Variants in SLC5A5 observed in about 807,000 individuals in gnomAD.
SLC5A5 encodes the protein solute carrier family 5 member 5, also known as sodium/iodide cotransporter.
In SLC5A5, 56 loss-of-function variants were observed where a neutral mutation model predicts 68.6. The ratio of observed to expected loss-of-function variants is 0.82; its 90% CI spans 0.66 to 1.02. The LOEUF (loss-of-function observed/expected upper bound fraction) is 1.02, where lower values mean the gene tolerates loss of function less well. Ranked by LOEUF, SLC5A5 falls within the 50% of genes least tolerant of loss-of-function variation. The pLI, the probability that SLC5A5 is intolerant of heterozygous loss-of-function variation, is 0.00. For missense variants in SLC5A5, 807 were observed against 859.8 expected, an observed-to-expected ratio of 0.94 and a Z score of 0.77; for synonymous variants, 398 against 373.0, an observed-to-expected ratio of 1.07 and a Z score of -0.77.
In SLC5A5 at chr19:17,883,720, C is replaced by A. The variant is rs781303577; in HGVS notation, c.1282C>A (p.Leu428Met). The change falls in exon 11 of 15, where the codon CTG becomes ATG. Residue 428 changes from leucine (L) to methionine (M), a missense_variant. Transcript: ENST00000222248. ...TVMGVISGPL[L>M]GAFILGMFLP... ...CATGGGAGTCATCAGCGGCCCCCTG[C>A]TGGGAGCCTTCATCTTGGGAATGTT... 1 of 1,541,856 alleles carries A rather than the reference C, an allele frequency of 6.5e-7. No individual in the cohort carries two copies. The highest frequency in any genetic ancestry group is 1.7e-5 in the Admixed American group (1 of 57,234).
chr19:17,885,320 CTGTTT>C (rs1034584713), intron 12 of SLC5A5, among the ~76,000 whole-genome samples: 1 of 146,392 alleles, frequency 6.8e-6, no homozygotes, highest in African/African-American at 2.8e-5. Context: ...AGAACATTTT[CTGTTT>C]TGTTTATTTA....
intron 2 of SLC5A5, 25 bp downstream of exon 2, chr19:17,874,228 C>G (rs373052427): frequency 6.5e-7 from 1 of 1,541,370 alleles, no homozygotes; most frequent in Non-Finnish European, 9.0e-7. Flanking sequence ...CCCCGCCCTC[C>G]GCTCAGGGCC....
At chr19:17,887,975 A>G (rs2029988236) in intron 12 of SLC5A5, among the ~76,000 whole-genome samples, 1 of 152,110 alleles carries the variant, frequency 6.6e-6, no homozygotes, top group Non-Finnish European at 1.5e-5. Context: ...TTGGCGTCAT[A>G]TCTAAGAAAC....
At chr19:17,878,991 A>C (rs1216920800) in intron 7 of SLC5A5, among the ~76,000 whole-genome samples, 2 of 145,618 alleles carry the variant, frequency 1.4e-5, no homozygotes, top group Non-Finnish European at 3.0e-5. Flanking sequence ...AAAAAAAACA[A>C]AAAAAAAAAA....
At chr19:17,874,010 G>A (rs2094300508) in intron 1 of SLC5A5, 128 bp from the exon 2 acceptor site, 3 of 723,506 alleles carry the variant, frequency 4.1e-6, no homozygotes, top group Non-Finnish European at 7.6e-6. Context: ...GGGCCCCCAC[G>A]TGCAAGAATC....
chr19:17,879,921 C>T (rs1422751518), intron 7 of SLC5A5, among the ~76,000 whole-genome samples: 1 of 150,628 alleles, frequency 6.6e-6, no homozygotes, highest in Non-Finnish European at 1.5e-5. Context: ...TTTTTTTGAG[C>T]CAGAGTCTCA....
At chr19:17,872,778 G>A in intron 1 of SLC5A5, 102 bp downstream of exon 1, 10 of 777,050 alleles carry the variant, frequency 1.3e-5, no homozygotes, top group Middle Eastern at 2.8e-4. Context: ...AGGAGGACGC[G>A]GATGGCACCT....
chr19:17,884,257 A>AT (rs1206634862), intron 12 of SLC5A5, among the ~76,000 whole-genome samples: 1 of 152,052 alleles, frequency 6.6e-6, no homozygotes, highest in Non-Finnish European at 1.5e-5. Context: ...GGGAGGAGAG[A>AT]TGGGTGGGAG....
At chr19:17,892,648 A>AAGAGAGAGAG (rs1568427310) in intron 14 of SLC5A5, among the ~76,000 whole-genome samples, 8 of 58,630 alleles carry the variant, frequency 1.4e-4, no homozygotes, top group Non-Finnish European at 1.6e-4. Context: ...AAAGAAAGAA[A>AAGAGAGAGAG]AGACAGAGAG....
Position 17,882,207 on chromosome 19 carries a change from A to T in SLC5A5, c.1230A>T (p.Gly410=), listed in dbSNP as rs1346111417. The change falls in exon 10 of 15, where the codon GGA becomes GGT. Residue 410 remains glycine, a synonymous_variant. Coordinates refer to ENST00000222248, the MANE Select transcript of SLC5A5 (RefSeq NM_000453.3). ...TVAALSSLLG[G]GVLQGSFTVM... is the part of the protein sequence containing the mutation. ...CAGCCCTGTCCTCACTGCTCGGAGG[A>T]GGTGTCCTTCAGGTGAGACCCCACC... is the stretch of plus-strand genomic sequence containing the variant. 6.2e-7 allele frequency: 1 copy of T among 1,613,720 alleles called. No individual in the cohort carries two copies. Among genetic ancestry groups the T allele is most frequent in the East Asian group, 2.2e-5 (1 of 44,850 alleles).
chr19:17,885,069 C>G (rs559639450), intron 12 of SLC5A5, among the ~76,000 whole-genome samples: 1 of 150,472 alleles, frequency 6.6e-6, no homozygotes, highest in Non-Finnish European at 1.5e-5. Context: ...TCCAGTGGCA[C>G]GATCATAGCT....
rs1387078947 is a variant in SLC5A5 at position 17,883,923 on chromosome 19, C to T, written c.1403C>T (p.Pro468Leu). 1.3e-6 allele frequency: 2 copies of T among 1,564,870 alleles called. No homozygotes were observed. The highest frequency in any genetic ancestry group is 3.4e-4 in the Middle Eastern group (2 of 5,810). ...WVALGATLYPPSEQTMRVLPS... is the reference protein window; with the variant it reads ...WVALGATLYPLSEQTMRVLPS... ...GCCTTGGGCGCCACGCTGTACCCAC[C>T]CAGCGAGCAGACCATGAGGGTCCTG... The change falls in exon 12 of 15, where the codon CCC becomes CTC. Residue 468 changes from proline to leucine, a missense_variant. Physicochemically the swap from Pro to Leu is moderately conservative, Grantham distance 98. Transcript: ENST00000222248.
intron 5 of SLC5A5, among the ~76,000 whole-genome samples, chr19:17,877,314 A>ATT (rs1309999354): frequency 4.1e-5 from 6 of 146,764 alleles, no homozygotes; most frequent in African/African-American, 1.5e-4. Context: ...AATTTAATTA[A>ATT]TTTTTTTTTT....
chr19:17,888,351 G>T lies in SLC5A5; in HGVS notation c.1547G>T (p.Arg516Leu), dbSNP rs145168559. 3 of 1,613,788 alleles carry T rather than the reference G, an allele frequency of 1.9e-6. No individual in the cohort carries two copies. In the East Asian group the frequency reaches 6.7e-5, roughly 36 times the overall value. Residue 516 changes from arginine to leucine, a missense_variant, in exon 13 of 15, where the codon CGA becomes CTA. Arg to Leu is a moderately radical substitution (Grantham distance 102). Coordinates refer to ENST00000222248, the MANE Select transcript of SLC5A5 (RefSeq NM_000453.3). ...RAPSSGMDAS[R>L]PALADSFYAI... ...TGCAGCTCAGGAATGGACGCCAGCC[G>T]ACCCGCCTTAGCTGACAGCTTCTAT...
chr19:17,877,340 C>T (rs1382798616), intron 5 of SLC5A5, among the ~76,000 whole-genome samples: 13 of 149,388 alleles, frequency 8.7e-5, no homozygotes, highest in Admixed American at 2.0e-4. Context: ...GATGGAGTCT[C>T]GCTCTGTCAC....
In SLC5A5 at chr19:17,872,477, G is replaced by T. The variant is rs541775288; in HGVS notation, c.158G>T (p.Arg53Leu). The stretch of plus-strand genomic sequence containing the variant: ...GAGGACTTCTTCACCGGGGGCCGGC[G>T]CCTGGCGGCCCTGCCCGTGGGCCTG... ...SAEDFFTGGR[R>L]LAALPVGLSL... The change falls in exon 1 of 15, where the codon CGC becomes CTC. Residue 53 changes from arginine (R) to leucine (L), a missense_variant. By Grantham distance (102) the Arg-to-Leu change is moderately radical (BLOSUM62 -2). Coordinates refer to ENST00000222248, the MANE Select transcript of SLC5A5 (RefSeq NM_000453.3). 6.2e-7 allele frequency: 1 copy of T among 1,611,394 alleles called. No individual in the cohort carries two copies. The highest frequency in any genetic ancestry group is 1.1e-5 in the South Asian group (1 of 90,888).
intron 12 of SLC5A5, among the ~76,000 whole-genome samples, 186 bp from the exon 13 acceptor site, chr19:17,888,145 G>A (rs2029995300): frequency 6.6e-6 from 1 of 152,088 alleles, no homozygotes; most frequent in African/African-American, 2.4e-5. Context: ...AGGACGTCTA[G>A]GGTGGGGATG....
At position 17,877,762 on chromosome 19, in the gene SLC5A5, T is replaced by G; in HGVS notation, c.738T>G (p.Thr246=). 1 of 1,614,198 alleles carries G rather than the reference T, an allele frequency of 6.2e-7. No individual in the cohort carries two copies. The highest frequency in any genetic ancestry group is 8.5e-7 in the Non-Finnish European group (1 of 1,180,032). ...CGAGGAGCCGCTATACATTCTGGAC[T>G]TTTGTGGTGGGTGGCACGTTGGTGT... The part of the protein sequence containing the change: ...PDPRSRYTFW[T]FVVGGTLVWL... Residue 246 remains threonine (T), a synonymous_variant, in exon 6 of 15, where the codon ACT becomes ACG. Coordinates refer to ENST00000222248, the MANE Select transcript of SLC5A5 (RefSeq NM_000453.3).
intron 13 of SLC5A5, 146 bp from the exon 14 acceptor site, chr19:17,890,740 A>G (rs188032589): frequency 1.6e-4 from 108 of 693,722 alleles, no homozygotes; most frequent in Non-Finnish European, 2.7e-4. Flanking sequence ...TGAGGCTCAG[A>G]GGCTTGCCAG....
Sources: allele counts gnomAD v4.1 joint callset (sites outside exome capture counted in the v4.1 genomes callset), GRCh38; gene constraint gnomAD v4.1.1; transcripts MANE v1.5; gene names NCBI Gene and HGNC (gene_info 2026-07-23, HGNC 2026-07-21).